OR5H2: variants seen among roughly 807,000 people sequenced by gnomAD.
The protein encoded by OR5H2 is olfactory receptor 5H2.
For synonymous variants in OR5H2, 132 were observed against 126.8 expected (o/e 1.04, Z -0.27); for missense variants, 391 against 364.4 (o/e 1.07, Z -0.59).
rs1053213137 is a variant in OR5H2 at position 98,282,655 on chromosome 3, T to A, written c.-248T>A. ...TTAACACACATTACATGCATTTCTA[T>A]CATCTGCATTTTAAAAGTAGATTAT... On this transcript the variant is annotated 5_prime_UTR_variant, in exon 1 of 1. It introduces an in-frame stop codon into an upstream open reading frame of the 5' UTR. Transcript: ENST00000355273. 3.3e-5 allele frequency among the ~76,000 whole-genome samples: 5 copies of A among 152,340 alleles called. No individual in the cohort carries two copies. The East Asian group carries it at 7.7e-4, about 23-fold the overall frequency.
At position 98,283,181 on chromosome 3, in the gene OR5H2, T is replaced by A. The variant is rs771132228; in HGVS notation, c.279T>A (p.Ser93=). 6.2e-7 allele frequency: 1 copy of A among 1,614,056 alleles called. No homozygotes were observed. Among genetic ancestry groups the A allele is most frequent in the Admixed American group, 1.7e-5 (1 of 60,006 alleles). ...VNFLAKNRMI[S]LSECMIQFFS... ...TCTTGGCCAAAAACAGGATGATATC[T>A]CTGTCTGAATGCATGATTCAATTTT... Residue 93 remains serine (S), a synonymous_variant, in exon 1 of 1, where the codon TCT becomes TCA. Transcript: ENST00000355273.
Position 98,283,273 on chromosome 3 carries a change from T to C in OR5H2, c.371T>C (p.Val124Ala). 1 of 1,613,916 alleles carries C rather than the reference T, an allele frequency of 6.2e-7. No homozygotes were observed. Among genetic ancestry groups the C allele is most frequent in the African/African-American group, 1.3e-5 (1 of 75,044 alleles). The change falls in exon 1 of 1, where the codon GTA (valine) becomes GCA (alanine). Residue 124 changes from valine (V) to alanine (A), a missense_variant. Physicochemically the swap from Val to Ala is moderately conservative, Grantham distance 64. Coordinates refer to ENST00000355273, the MANE Select transcript of OR5H2 (RefSeq NM_001005482.2). ...GCAACAATGGCATATGATCGCTATG[T>C]AGCCATATGCAAACCTTTACTATAT... ...LLATMAYDRY[V>A]AICKPLLYPV...
rs781484010 is a variant in OR5H2 at position 98,282,982 on chromosome 3, T to TC, written c.80_81insC (p.Phe28ValfsTer25). The TC allele has an allele frequency of 1.9e-6, 3 of 1,612,834 alleles. No homozygotes were observed. The highest frequency in any genetic ancestry group is 2.5e-6 in the Non-Finnish European group (3 of 1,179,828). Reference sequence around the variant, plus strand: ...TATCAGCCAGAGTGGAAAATGCCCCTGTTCTTGGTGTTCTTGGTGATCTAT... The same window carrying TC: ...TATCAGCCAGAGTGGAAAATGCCCCTCGTTCTTGGTGTTCTTGGTGATCTAT... On this transcript the variant is annotated frameshift_variant, in exon 1 of 1. Coordinates refer to ENST00000355273, the MANE Select transcript of OR5H2 (RefSeq NM_001005482.2). LOFTEE classifies it low-confidence loss of function (END_TRUNC).
In OR5H2 at chr3:98,283,598, A is replaced by G. The variant is rs112624380; in HGVS notation, c.696A>G (p.Arg232=). ...CAATCCTAAAAAAGAAGTCTGTTAG[A>G]GGCGTAAGGAAAGCCTTTTCCACCT... ...LFTILKKKSV[R]GVRKAFSTCG... is the part of the protein sequence containing the mutation. Residue 232 remains arginine (R), a synonymous_variant, in exon 1 of 1, where the codon AGA becomes AGG. Transcript: ENST00000355273. 3 of 1,613,568 alleles carry G rather than the reference A, an allele frequency of 1.9e-6. No homozygotes were observed. Among genetic ancestry groups the G allele is most frequent in the Non-Finnish European group, 2.5e-6 (3 of 1,179,866 alleles).
rs1404204349 is a variant in OR5H2 at position 98,283,578 on chromosome 3, CT to C, written c.677del (p.Leu226GlnfsTer9). 1 of 1,613,210 alleles carries C rather than the reference CT, an allele frequency of 6.2e-7. No homozygotes were observed. The highest frequency in any genetic ancestry group is 1.3e-5 in the African/African-American group (1 of 74,822). ...TTACACATTTGCTCTTTTCACAATCCTAAAAAAGAAGTCTGTTAGAGGCGTA... is the reference window on the plus strand; with the variant it reads ...TTACACATTTGCTCTTTTCACAATCCAAAAAAGAAGTCTGTTAGAGGCGTA... ...NSYTFALFTILKKKSVRGVRK... is the reference protein window; with the variant it reads ...NSYTFALFTIXKKKSVRGVRK... On this transcript the variant is annotated frameshift_variant, in exon 1 of 1. Coordinates refer to ENST00000355273, the MANE Select transcript of OR5H2 (RefSeq NM_001005482.2). LOFTEE classifies it low-confidence loss of function (END_TRUNC).
rs765177269 is a variant in OR5H2, at chr3:98,283,188, G to C, written c.286G>C (p.Glu96Gln). 3.1e-6 allele frequency: 5 copies of C among 1,613,996 alleles called. No homozygotes were observed. Among genetic ancestry groups the C allele is most frequent in the African/African-American group, 1.3e-5 (1 of 75,026 alleles). The change falls in exon 1 of 1, where the codon GAA (glutamate) becomes CAA (glutamine). Residue 96 changes from glutamate to glutamine, a missense_variant. Physicochemically the swap from Glu to Gln is conservative, Grantham distance 29. Coordinates refer to ENST00000355273, the MANE Select transcript of OR5H2 (RefSeq NM_001005482.2). ...CAAAAACAGGATGATATCTCTGTCT[G>C]AATGCATGATTCAATTTTTTTCCTT... is the stretch of plus-strand genomic sequence containing the variant. The part of the protein sequence containing the change: ...LAKNRMISLS[E>Q]CMIQFFSFAF...
rs768067531 is a variant in OR5H2, at chr3:98,283,446, A to G, written c.544A>G (p.Ile182Val). The change falls in exon 1 of 1, where the codon ATA (isoleucine) becomes GTA (valine). Residue 182 changes from isoleucine to valine, a missense_variant. By Grantham distance (29) the Ile-to-Val change is conservative. Transcript: ENST00000355273. ...NIIHHFYCDIIPLFMISCTDP... is the reference protein window; with the variant it reads ...NIIHHFYCDIVPLFMISCTDP... ...AATACATCATTTTTACTGTGATATT[A>G]TACCACTGTTTATGATTTCCTGTAC... 2.7e-5 allele frequency: 44 copies of G among 1,610,084 alleles called. 1 individual carries two copies. In the East Asian group the frequency reaches 9.4e-4, roughly 34 times the overall value.
At position 98,283,676 on chromosome 3, in the gene OR5H2, G is replaced by A. The variant is rs1240573292; in HGVS notation, c.774G>A (p.Met258Ile). 6.2e-7 allele frequency: 1 copy of A among 1,613,200 alleles called. No homozygotes were observed. ...TATATTATGGCCCACTTATCTTCATGTATTTGCGCCCTGCATCTCCACAAG... is the reference window on the plus strand; with the variant it reads ...TATATTATGGCCCACTTATCTTCATATATTTGCGCCCTGCATCTCCACAAG... ...VSLYYGPLIF[M>I]YLRPASPQAD... is the part of the protein sequence containing the mutation. Residue 258 changes from methionine (M) to isoleucine (I), a missense_variant, in exon 1 of 1, where the codon ATG becomes ATA. By Grantham distance (10) the Met-to-Ile change is conservative. Coordinates refer to ENST00000355273, the MANE Select transcript of OR5H2 (RefSeq NM_001005482.2).
At position 98,283,709 on chromosome 3, in the gene OR5H2, C is replaced by T; in HGVS notation, c.807C>T (p.Asp269=). Reference sequence around the variant, plus strand: ...GCCCTGCATCTCCACAAGCAGATGACCAAGATATGATAGACTCTGTCTTTT... The same window carrying T: ...GCCCTGCATCTCCACAAGCAGATGATCAAGATATGATAGACTCTGTCTTTT... ...YLRPASPQAD[D]QDMIDSVFYT... Residue 269 remains aspartate, a synonymous_variant, in exon 1 of 1, where the codon GAC becomes GAT. Transcript: ENST00000355273. 6.2e-7 allele frequency: 1 copy of T among 1,612,208 alleles called. No individual in the cohort carries two copies. The highest frequency in any genetic ancestry group is 1.1e-5 in the South Asian group (1 of 90,932).
At position 98,283,851 on chromosome 3, in the gene OR5H2, T is replaced by C. The variant is rs764939456; in HGVS notation, c.*19T>C. ...TGTTTAGATTTCATAGTGATATCTC[T>C]CATTTTCAGTAAAAAGAATTTTGCA... On this transcript the variant is annotated 3_prime_UTR_variant, in exon 1 of 1. Coordinates refer to ENST00000355273, the MANE Select transcript of OR5H2 (RefSeq NM_001005482.2). 3.0e-6 allele frequency: 4 copies of C among 1,332,590 alleles called. No homozygotes were observed. In the Admixed American group the frequency reaches 9.7e-5, roughly 32 times the overall value. The allele number at this position is 1,332,590 out of a possible 1,614,324, so 82.5% of individuals were successfully genotyped here.
In OR5H2 at chr3:98,283,426, A is replaced by G; in HGVS notation, c.524A>G (p.His175Arg). ...RLTFCNSNII[H>R]HFYCDIIPLF... is the part of the protein sequence containing the mutation. ...ACCTTCTGCAATTCTAACATAATACATCATTTTTACTGTGATATTATACCA... is the reference window on the plus strand; with the variant it reads ...ACCTTCTGCAATTCTAACATAATACGTCATTTTTACTGTGATATTATACCA... Residue 175 changes from histidine to arginine, a missense_variant, in exon 1 of 1, where the codon CAT becomes CGT. Coordinates refer to ENST00000355273, the MANE Select transcript of OR5H2 (RefSeq NM_001005482.2). 6.2e-7 allele frequency: 1 copy of G among 1,609,010 alleles called. No individual in the cohort carries two copies. Among genetic ancestry groups the G allele is most frequent in the East Asian group, 2.2e-5 (1 of 44,840 alleles).
rs576177618 is a variant in OR5H2, at chr3:98,283,899, G to A, written c.*67G>A. ...GCAGTTAGATAAGGTGTTTTGCTAA[G>A]TGTTCAAAGTTATTGTAAATATAAT... On this transcript the variant is annotated 3_prime_UTR_variant, in exon 1 of 1. Coordinates refer to ENST00000355273, the MANE Select transcript of OR5H2 (RefSeq NM_001005482.2). 1.2e-6 allele frequency: 1 copy of A among 826,008 alleles called. No individual in the cohort carries two copies. Among genetic ancestry groups the A allele is most frequent in the Admixed American group, 3.2e-5 (1 of 31,310 alleles). The allele number at this position is 826,008 out of a possible 1,614,324, so 51.2% of individuals were successfully genotyped here. A position where few individuals can be genotyped will look rare whatever the true frequency, so the allele number is the denominator to read the frequency against.
Position 98,283,846 on chromosome 3 carries a change from A to G in OR5H2, c.*14A>G. 1 of 1,395,010 alleles carries G rather than the reference A, an allele frequency of 7.2e-7. No homozygotes were observed. 86.4% of individuals were successfully genotyped at this position (1,395,010 alleles called of 1,614,324 possible). ...AGAAATGTTTAGATTTCATAGTGAT[A>G]TCTCTCATTTTCAGTAAAAAGAATT... On this transcript the variant is annotated 3_prime_UTR_variant, in exon 1 of 1. Transcript: ENST00000355273.
In OR5H2 at chr3:98,283,566, C is replaced by T; in HGVS notation, c.664C>T (p.Leu222Phe). 6.2e-7 allele frequency: 1 copy of T among 1,613,338 alleles called. No homozygotes were observed. Among genetic ancestry groups the T allele is most frequent in the Non-Finnish European group, 8.5e-7 (1 of 1,179,810 alleles). ...AGTTCTTAATTCTTACACATTTGCT[C>T]TTTTCACAATCCTAAAAAAGAAGTC... ...VTVLNSYTFA[L>F]FTILKKKSVR... is the part of the protein sequence containing the mutation. The change falls in exon 1 of 1, where the codon CTT becomes TTT. Residue 222 changes from leucine (L) to phenylalanine (F), a missense_variant. Coordinates refer to ENST00000355273, the MANE Select transcript of OR5H2 (RefSeq NM_001005482.2).
At position 98,283,761 on chromosome 3, in the gene OR5H2, C is replaced by G; in HGVS notation, c.859C>G (p.Pro287Ala). 1 of 1,592,252 alleles carries G rather than the reference C, an allele frequency of 6.3e-7. No individual in the cohort carries two copies. Among genetic ancestry groups the G allele is most frequent in the Non-Finnish European group, 8.6e-7 (1 of 1,167,922 alleles). ...TACAATCATAATTCCTTTGCTAAAT[C>G]CCATTATCTACAGTCTGAGAAATAA... ...FYTIIIPLLN[P>A]IIYSLRNKQV... Residue 287 changes from proline (P) to alanine (A), a missense_variant, in exon 1 of 1, where the codon CCC (proline) becomes GCC (alanine). By Grantham distance (27) the Pro-to-Ala change is conservative. Transcript: ENST00000355273.
In OR5H2 at chr3:98,283,639, T is replaced by C. The variant is rs1380070187; in HGVS notation, c.737T>C (p.Leu246Ser). ...KAFSTCGAHLLSVSLYYGPLI... is the reference protein window; with the variant it reads ...KAFSTCGAHLSSVSLYYGPLI... Reference sequence around the variant, plus strand: ...TTTTCCACCTGTGGAGCCCATCTCTTATCTGTCTCTTTATATTATGGCCCA... The same window carrying C: ...TTTTCCACCTGTGGAGCCCATCTCTCATCTGTCTCTTTATATTATGGCCCA... Residue 246 changes from leucine to serine, a missense_variant, in exon 1 of 1, where the codon TTA becomes TCA. Coordinates refer to ENST00000355273, the MANE Select transcript of OR5H2 (RefSeq NM_001005482.2). 5.0e-6 allele frequency: 8 copies of C among 1,613,586 alleles called. No homozygotes were observed. Among genetic ancestry groups the C allele is most frequent in the Non-Finnish European group, 5.9e-6 (7 of 1,179,822 alleles).
Position 98,282,509 on chromosome 3 carries a change from T to G in OR5H2, c.-394T>G, listed in dbSNP as rs1469220188. Among the ~76,000 whole-genome samples, 1 of 152,202 alleles carries G rather than the reference T, an allele frequency of 6.6e-6. No homozygotes were observed. The highest frequency in any genetic ancestry group is 1.5e-5 in the Non-Finnish European group (1 of 68,046). On this transcript the variant is annotated 5_prime_UTR_variant, in exon 1 of 1. Coordinates refer to ENST00000355273, the MANE Select transcript of OR5H2 (RefSeq NM_001005482.2). ...GCCCTCCTCCTTTGATGTGCCTGTT[T>G]CTGGTCTTGGCCAGAGGCATGCTTC...
Position 98,283,788 on chromosome 3 carries a change from C to A in OR5H2, c.886C>A (p.Gln296Lys), listed in dbSNP as rs1299459310. The change falls in exon 1 of 1, where the codon CAA (glutamine) becomes AAA (lysine). Residue 296 changes from glutamine to lysine, a missense_variant. Transcript: ENST00000355273. Reference sequence around the variant, plus strand: ...CATTATCTACAGTCTGAGAAATAAACAAGTAATAGATTCATTCACAAAAAT... The same window carrying A: ...CATTATCTACAGTCTGAGAAATAAAAAAGTAATAGATTCATTCACAAAAAT... ...NPIIYSLRNKQVIDSFTKMVK... is the reference protein window; with the variant it reads ...NPIIYSLRNKKVIDSFTKMVK... 7 of 1,564,106 alleles carry A rather than the reference C, an allele frequency of 4.5e-6. No individual in the cohort carries two copies. The highest frequency in any genetic ancestry group is 6.1e-6 in the Non-Finnish European group (7 of 1,150,764).
Position 98,283,162 on chromosome 3 carries a change from C to T in OR5H2, c.260C>T (p.Ala87Val), listed in dbSNP as rs1706153034. ...VTPKMLVNFLAKNRMISLSEC... is the reference protein window; with the variant it reads ...VTPKMLVNFLVKNRMISLSEC... ...CCCAAAATGTTGGTTAATTTCTTGG[C>T]CAAAAACAGGATGATATCTCTGTCT... Residue 87 changes from alanine to valine, a missense_variant, in exon 1 of 1, where the codon GCC becomes GTC. By Grantham distance (64) the Ala-to-Val change is moderately conservative (BLOSUM62 0). Coordinates refer to ENST00000355273, the MANE Select transcript of OR5H2 (RefSeq NM_001005482.2). The T allele has an allele frequency of 6.2e-7, 1 of 1,613,862 alleles. No individual in the cohort carries two copies. The highest frequency in any genetic ancestry group is 1.1e-5 in the South Asian group (1 of 91,050).
Sources: gnomAD v4.1 joint callset for allele counts (sites outside exome capture counted in the v4.1 genomes callset) on GRCh38, gnomAD v4.1.1 for gene constraint, MANE v1.5 for transcripts, NCBI Gene and HGNC (gene_info 2026-07-23, HGNC 2026-07-21) for gene names.